LMBR1: variants seen among roughly 807,000 people sequenced by gnomAD.
LMBR1 encodes limb region 1 protein homolog.
Under a neutral mutation model 73.9 loss-of-function variants are expected in LMBR1, and 52 were observed. The ratio of observed to expected loss-of-function variants is 0.70; its 90% CI spans 0.56 to 0.89. LMBR1 has a LOEUF of 0.89. Ranked by LOEUF, LMBR1 falls within the 40% of genes least tolerant of loss-of-function variation. LMBR1 has a pLI of 0.00. For missense variants in LMBR1, 539 were observed against 579.8 expected (o/e 0.93, Z 0.72); for synonymous variants, 215 against 209.4 (o/e 1.03, Z -0.23).
At chr7:156,888,409 CAAA>C (rs57071729) in intron 1 of LMBR1, among the ~76,000 whole-genome samples, 9 of 91,932 alleles carry the variant, frequency 9.8e-5, no homozygotes, top group Non-Finnish European at 1.4e-4. Flanking sequence ...GACTCTGTCT[CAAA>C]AAAAAAAAAA....
rs1464225338 is a variant in LMBR1, at chr7:156,755,246, CT to C, written c.757+1146del. ...CAACTTCTTTACATATAATCAGCCA[CT>C]TTTAAATTTGAGGAGCCAAAGGATT... On this transcript the variant is annotated intron_variant, in intron 9 of 16. Transcript: ENST00000353442. 1.1e-4 allele frequency among the ~76,000 whole-genome samples: 16 copies of C among 152,316 alleles called. No individual in the cohort carries two copies. The East Asian group carries it at 3.1e-3, about 29-fold the overall frequency.
At chr7:156,798,201 C>T (rs1422630095) in intron 4 of LMBR1, among the ~76,000 whole-genome samples, 3 of 152,140 alleles carry the variant, frequency 2.0e-5, no homozygotes, top group Non-Finnish European at 4.4e-5. Flanking sequence ...GGTCTGTAGA[C>T]ATTGGTAAGC....
rs138328994 is a variant in LMBR1 at position 156,704,300 on chromosome 7, G to T, written c.1226-16109C>A. Among the ~76,000 whole-genome samples, 122 of 152,044 alleles carry T rather than the reference G, an allele frequency of 8.0e-4. No individual in the cohort carries two copies. In the East Asian group the frequency reaches 0.016, roughly 20 times the overall value. ...TTCACAATAGCTGCCACCAATAACC[G>T]CCCCATAACACCAACAAACCCACAG... On this transcript the variant is annotated intron_variant, in intron 15 of 16. Coordinates refer to ENST00000353442, the MANE Select transcript of LMBR1 (RefSeq NM_022458.4).
At chr7:156,704,756 A>T (rs1810548560) in intron 15 of LMBR1, among the ~76,000 whole-genome samples, 1 of 118,760 alleles carries the variant, frequency 8.4e-6, no homozygotes, top group Non-Finnish European at 1.7e-5. Flanking sequence ...AGTTGTCTTT[A>T]AAAAAAAAAA....
intron 15 of LMBR1, among the ~76,000 whole-genome samples, chr7:156,693,905 T>C (rs1807742653): frequency 6.6e-6 from 1 of 152,180 alleles, no homozygotes; most frequent in Non-Finnish European, 1.5e-5. Flanking sequence ...CAATGCTAGC[T>C]AGCAAACCTA....
intron 15 of LMBR1, among the ~76,000 whole-genome samples, chr7:156,688,714 A>G (rs1806500750): frequency 6.6e-6 from 1 of 152,150 alleles, no homozygotes; most frequent in South Asian, 2.1e-4. Flanking sequence ...TCCCCTACCT[A>G]AAACAGCAGG....
intron 1 of LMBR1, among the ~76,000 whole-genome samples, chr7:156,839,405 G>A (rs1838245106): frequency 6.6e-6 from 1 of 151,968 alleles, no homozygotes; most frequent in Admixed American, 6.6e-5. Context: ...ATCAGATCTG[G>A]GGAATGCCAG....
intron 9 of LMBR1, among the ~76,000 whole-genome samples, chr7:156,739,483 T>C (rs1818501172): frequency 6.6e-6 from 1 of 152,166 alleles, no homozygotes; most frequent in African/African-American, 2.4e-5. Flanking sequence ...ACAGTGGGCT[T>C]TGAGTGAGAC....
chr7:156,717,242 G>GTT (rs1284964321), intron 15 of LMBR1, among the ~76,000 whole-genome samples: 1 of 152,230 alleles, frequency 6.6e-6, no homozygotes, highest in African/African-American at 2.4e-5. Flanking sequence ...TACGTCTCAA[G>GTT]TTTCTGGTTT....
At chr7:156,737,939 C>G (rs1818195960) in intron 9 of LMBR1, among the ~76,000 whole-genome samples, 1 of 152,186 alleles carries the variant, frequency 6.6e-6, no homozygotes, top group South Asian at 2.1e-4. Context: ...AAATAGAAGC[C>G]TCTACCGATT....
chr7:156,697,186 G>A (rs200858748), intron 15 of LMBR1, among the ~76,000 whole-genome samples: 1 of 152,102 alleles, frequency 6.6e-6, no homozygotes, highest in African/African-American at 2.4e-5. Context: ...AGGGGAGGGG[G>A]TGTAAGAACA....
chr7:156,724,658 T>C (rs979527967), intron 14 of LMBR1, among the ~76,000 whole-genome samples: 3 of 152,158 alleles, frequency 2.0e-5, no homozygotes, highest in African/African-American at 7.2e-5. Flanking sequence ...ATCCCATGTT[T>C]ATTCTTCCAT....
intron 1 of LMBR1, among the ~76,000 whole-genome samples, chr7:156,868,195 CTTTT>C (rs537282265): frequency 1.4e-5 from 2 of 138,674 alleles, no homozygotes; most frequent in South Asian, 2.3e-4. Context: ...AGGAGATTTT[CTTTT>C]TTTTTTTTTT....
chr7:156,764,030 T>A (rs1004618712), intron 5 of LMBR1, among the ~76,000 whole-genome samples: 9 of 152,218 alleles, frequency 5.9e-5, no homozygotes, highest in Admixed American at 2.0e-4. Flanking sequence ...ATAAAAAACA[T>A]CTGCAGAGCC....
At chr7:156,686,729 A>G (rs1433910251) in intron 16 of LMBR1, among the ~76,000 whole-genome samples, 1 of 152,248 alleles carries the variant, frequency 6.6e-6, no homozygotes, top group South Asian at 2.1e-4. Flanking sequence ...CAAAAGCTAA[A>G]GTTACGGCAG....
chr7:156,801,954 T>C (rs113907234), intron 4 of LMBR1, among the ~76,000 whole-genome samples: 4,844 of 152,322 alleles, frequency 0.032, 124 homozygotes, highest in South Asian at 0.085. Flanking sequence ...TATGCTGTAA[T>C]GTTTTTAGGC....
At chr7:156,881,369 A>C (rs892689137) in intron 1 of LMBR1, among the ~76,000 whole-genome samples, 2 of 152,232 alleles carry the variant, frequency 1.3e-5, no homozygotes, top group East Asian at 3.8e-4. Context: ...GTAAAACATG[A>C]AACTATAAAA....
chr7:156,851,163 T>G (rs922354367), intron 1 of LMBR1, among the ~76,000 whole-genome samples: 6 of 152,292 alleles, frequency 3.9e-5, no homozygotes, highest in African/African-American at 1.4e-4. Flanking sequence ...TCCTTATAAA[T>G]TACTCAGTCT....
intron 1 of LMBR1, among the ~76,000 whole-genome samples, chr7:156,857,472 T>C (rs1228922668): frequency 2.6e-5 from 4 of 152,148 alleles, no homozygotes; most frequent in African/African-American, 9.7e-5. Flanking sequence ...TGGACAAAAA[T>C]GTAAACAGAA....
Sources: allele counts gnomAD v4.1 joint callset (sites outside exome capture counted in the v4.1 genomes callset), GRCh38; gene constraint gnomAD v4.1.1; transcripts MANE v1.5; gene names NCBI Gene and HGNC (gene_info 2026-07-23, HGNC 2026-07-21).